Variants in NT5C1A observed in about 807,000 individuals in gnomAD.
The protein encoded by NT5C1A is 5'-nucleotidase, cytosolic IA.
In NT5C1A, 18 loss-of-function variants were observed where a neutral mutation model predicts 31.0. That is an observed-to-expected ratio of 0.58 (90% confidence interval 0.40 to 0.86). The LOEUF (loss-of-function observed/expected upper bound fraction) is 0.86. Ranked by LOEUF, NT5C1A falls within the 40% of genes least tolerant of loss-of-function variation. The pLI, the probability that NT5C1A is intolerant of heterozygous loss-of-function variation, is 0.00. For missense variants in NT5C1A, 470 were observed against 505.4 expected, an observed-to-expected ratio of 0.93 and a Z score of 0.67; for synonymous variants, 185 against 203.6, an observed-to-expected ratio of 0.91 and a Z score of 0.78.
Position 39,665,698 on chromosome 1 carries a change from C to T in NT5C1A, c.304-48G>A, listed in dbSNP as rs199855065. The T allele has an allele frequency of 2.3e-3, 3,583 of 1,588,388 alleles. 7 individuals carry two copies. The highest frequency in any genetic ancestry group is 2.7e-3 in the Non-Finnish European group (3,155 of 1,166,556). The stretch of plus-strand genomic sequence containing the variant: ...CAGCTTAGACCCCCAAGGATTGATA[C>T]CTGAAGTTGGTGGCCAAGGATTCAG... On this transcript the variant is annotated intron_variant, in intron 2 of 5. Coordinates refer to ENST00000235628, the MANE Select transcript of NT5C1A (RefSeq NM_032526.3).
chr1:39,665,513 A>G lies in NT5C1A; in HGVS notation c.433+8T>C. 6.2e-7 allele frequency: 1 copy of G among 1,609,152 alleles called. No individual in the cohort carries two copies. Among genetic ancestry groups the G allele is most frequent in the Non-Finnish European group, 8.5e-7 (1 of 1,177,948 alleles). ...GGGCAAACCCCCCATCCTCATGCTCATGCTCACCATAGTGGTTGATACTGT... is the reference window on the plus strand; with the variant it reads ...GGGCAAACCCCCCATCCTCATGCTCGTGCTCACCATAGTGGTTGATACTGT... On this transcript the variant is annotated splice_region_variant and intron_variant, in intron 3 of 5. Transcript: ENST00000235628.
At chr1:39,661,627 T>C (rs1015435403) in intron 4 of NT5C1A, among the ~76,000 whole-genome samples, 2 of 152,216 alleles carry the variant, frequency 1.3e-5, no homozygotes, top group African/African-American at 4.8e-5. Flanking sequence ...AGTAAGATCA[T>C]GCTGCTGTGG....
rs1295260342 is a variant in NT5C1A, at chr1:39,658,866, T to TC, written c.*254dup. Among the ~76,000 whole-genome samples the TC allele has an allele frequency of 6.6e-6, 1 of 151,760 alleles. No individual in the cohort carries two copies. Among genetic ancestry groups the TC allele is most frequent in the Non-Finnish European group, 1.5e-5 (1 of 67,952 alleles). On this transcript the variant is annotated 3_prime_UTR_variant, in exon 6 of 6. Coordinates refer to ENST00000235628, the MANE Select transcript of NT5C1A (RefSeq NM_032526.3). Reference sequence around the variant, plus strand: ...CCTCCCCCTCTCAGACCCATTAACTTCCCCCCTGAAATCCAGCTACTCTGC... The same window carrying TC: ...CCTCCCCCTCTCAGACCCATTAACTTCCCCCCCTGAAATCCAGCTACTCTGC...
intron 4 of NT5C1A, among the ~76,000 whole-genome samples, chr1:39,662,050 G>T (rs1646495249): frequency 6.6e-6 from 1 of 152,208 alleles, no homozygotes; most frequent in African/African-American, 2.4e-5. Context: ...AGGGGTTCAG[G>T]CTCCAGGCTA....
rs549695763 is a variant in NT5C1A, at chr1:39,657,663, G to C, written c.*1458C>G. Among the ~76,000 whole-genome samples the C allele has an allele frequency of 2.2e-4, 33 of 152,324 alleles. No individual in the cohort carries two copies. Among genetic ancestry groups the C allele is most frequent in the Non-Finnish European group, 4.0e-4 (27 of 68,028 alleles). ...CATCAAGCGGTGAGAGTTCTCCTCT[G>C]AAAGTGGTGAAGAAGGGGCCGCAGG... On this transcript the variant is annotated 3_prime_UTR_variant, in exon 6 of 6. Coordinates refer to ENST00000235628, the MANE Select transcript of NT5C1A (RefSeq NM_032526.3).
At position 39,653,744 on chromosome 1, in the gene NT5C1A, C is replaced by G. The variant is rs185380046; in HGVS notation, c.*5377G>C. On this transcript the variant is annotated 3_prime_UTR_variant, in exon 6 of 6. Transcript: ENST00000235628. Reference sequence around the variant, plus strand: ...AGAAAGGAGGTGGTTTTGTGTTTTGCTTTAAGACTAGATAAAACCCGTGAT... The same window carrying G: ...AGAAAGGAGGTGGTTTTGTGTTTTGGTTTAAGACTAGATAAAACCCGTGAT... 4.9e-3 allele frequency among the ~76,000 whole-genome samples: 743 copies of G among 152,258 alleles called. 6 individuals carry two copies. Among genetic ancestry groups the G allele is most frequent in the Non-Finnish European group, 7.8e-3 (528 of 68,012 alleles).
rs78070158 is a variant in NT5C1A at position 39,665,903 on chromosome 1, G to A, written c.303+166C>T. Reference sequence around the variant, plus strand: ...TGGGGCTGCATTTGTCCAGAGGGTGGATGAATTTTCTTCCCAAAAGACTCT... The same window carrying A: ...TGGGGCTGCATTTGTCCAGAGGGTGAATGAATTTTCTTCCCAAAAGACTCT... On this transcript the variant is annotated intron_variant, in intron 2 of 5. Coordinates refer to ENST00000235628, the MANE Select transcript of NT5C1A (RefSeq NM_032526.3). Among the ~76,000 whole-genome samples, 283 of 152,344 alleles carry A rather than the reference G, an allele frequency of 1.9e-3. 7 individuals are homozygous for A. In the East Asian group the frequency reaches 0.049, roughly 26 times the overall value.
intron 3 of NT5C1A, among the ~76,000 whole-genome samples, chr1:39,664,704 G>A (rs1241520180): frequency 6.7e-6 from 1 of 150,280 alleles, no homozygotes; most frequent in Non-Finnish European, 1.5e-5. Flanking sequence ...TGTTAGGCTG[G>A]TTTTGAACTC....
intron 4 of NT5C1A, among the ~76,000 whole-genome samples, chr1:39,662,910 G>A (rs945245801): frequency 2.0e-5 from 3 of 152,200 alleles, no homozygotes; most frequent in African/African-American, 7.2e-5. Flanking sequence ...AGGCTTTCAG[G>A]CTGGACTAGA....
rs784614 is a variant in NT5C1A, at chr1:39,655,682, G to A, written c.*3439C>T. ...TCTATGGCTTTGGACAAGTTACTTTGCCTCCCTAAACCAGCATGGCCAGGA... is the reference window on the plus strand; with the variant it reads ...TCTATGGCTTTGGACAAGTTACTTTACCTCCCTAAACCAGCATGGCCAGGA... On this transcript the variant is annotated 3_prime_UTR_variant, in exon 6 of 6. Coordinates refer to ENST00000235628, the MANE Select transcript of NT5C1A (RefSeq NM_032526.3). Among the ~76,000 whole-genome samples, 140,647 of 151,956 alleles carry A rather than the reference G, an allele frequency of 0.93. 65,405 individuals are homozygous for A. Among genetic ancestry groups the A allele is most frequent in the African/African-American group, 0.98 (40,564 of 41,466 alleles).
In NT5C1A at chr1:39,659,407, G is replaced by A. The variant is rs759661518; in HGVS notation, c.821C>T (p.Pro274Leu). 1 of 1,613,360 alleles carries A rather than the reference G, an allele frequency of 6.2e-7. No homozygotes were observed. The highest frequency in any genetic ancestry group is 8.5e-7 in the Non-Finnish European group (1 of 1,179,762). The change falls in exon 6 of 6, where the codon CCA (proline) becomes CTA (leucine). Residue 274 changes from proline (P) to leucine (L), a missense_variant. By Grantham distance (98) the Pro-to-Leu change is moderately conservative. Coordinates refer to ENST00000235628, the MANE Select transcript of NT5C1A (RefSeq NM_032526.3). ...FYSKGLRLEC[P>L]IRTYLVTARS... ...TGCTGTCACCAAGTAGGTACGAATT[G>A]GGCACTCCAGCCGCAGGCCTTTGGA...
intron 3 of NT5C1A, among the ~76,000 whole-genome samples, chr1:39,664,345 G>A (rs1646507004): frequency 6.7e-6 from 1 of 148,474 alleles, no homozygotes. Flanking sequence ...TAGTAGAGAC[G>A]CCGTTTCACG....
chr1:39,653,453 C>T lies in NT5C1A; in HGVS notation c.*5668G>A, dbSNP rs960822412. On this transcript the variant is annotated 3_prime_UTR_variant, in exon 6 of 6. Transcript: ENST00000235628. Reference sequence around the variant, plus strand: ...ACCCACATAAATACACGTACGTGTACGATTTTTATCCTGTTGCACAAACTT... The same window carrying T: ...ACCCACATAAATACACGTACGTGTATGATTTTTATCCTGTTGCACAAACTT... Among the ~76,000 whole-genome samples the T allele has an allele frequency of 5.9e-5, 9 of 152,206 alleles. No individual in the cohort carries two copies. The South Asian group carries it at 8.3e-4, about 14-fold the overall frequency.
At chr1:39,663,214 C>T in intron 4 of NT5C1A, 98 bp downstream of exon 4, 2 of 1,378,024 alleles carry the variant, frequency 1.5e-6, no homozygotes, top group East Asian at 2.3e-5. Flanking sequence ...GTTACCATGG[C>T]AACTCCCAGC....
chr1:39,671,299 C>T (rs900789971), intron 1 of NT5C1A, among the ~76,000 whole-genome samples: 1 of 152,218 alleles, frequency 6.6e-6, no homozygotes, highest in African/African-American at 2.4e-5. Flanking sequence ...AGAACCCGAG[C>T]TGGGGGGCAG....
At chr1:39,671,466 CAG>C (rs1570464172) in intron 1 of NT5C1A, among the ~76,000 whole-genome samples, 2 of 152,250 alleles carry the variant, frequency 1.3e-5, no homozygotes, top group Admixed American at 6.5e-5. Flanking sequence ...ACCCCAAACG[CAG>C]AGTCTCAGGT....
intron 3 of NT5C1A, 85 bp downstream of exon 3, chr1:39,665,436 C>A: frequency 7.2e-7 from 1 of 1,388,560 alleles, no homozygotes; most frequent in Non-Finnish European, 9.7e-7. Flanking sequence ...AGTACAACTC[C>A]ATCCTGCAGA....
intron 1 of NT5C1A, among the ~76,000 whole-genome samples, chr1:39,669,641 A>G (rs1646540265): frequency 6.6e-6 from 1 of 152,226 alleles, no homozygotes; most frequent in Admixed American, 6.5e-5. Context: ...GGGCTGATCC[A>G]GGGGTCATGA....
chr1:39,669,164 G>A (rs911904909), intron 1 of NT5C1A, among the ~76,000 whole-genome samples: 9 of 152,186 alleles, frequency 5.9e-5, no homozygotes, highest in African/African-American at 2.2e-4. Context: ...GGAAACCAGG[G>A]TGCTGGCAGC....
Sources: allele counts gnomAD v4.1 joint callset (sites outside exome capture counted in the v4.1 genomes callset), GRCh38; gene constraint gnomAD v4.1.1; transcripts MANE v1.5; gene names NCBI Gene and HGNC (gene_info 2026-07-23, HGNC 2026-07-21).